RIMKLA: variants seen among roughly 807,000 people sequenced by gnomAD.
The protein encoded by RIMKLA is N-acetylaspartylglutamate synthase A.
Under a neutral mutation model 32.7 loss-of-function variants are expected in RIMKLA, and 14 were observed. The observed-to-expected ratio is 0.43, with a 90% CI of 0.28 to 0.67. RIMKLA has a LOEUF of 0.67. Ranked by LOEUF, RIMKLA falls within the 30% of genes least tolerant of loss-of-function variation. RIMKLA has a pLI of 0.18. For missense variants in RIMKLA, 410 were observed against 519.0 expected (o/e 0.79, Z 2.04); for synonymous variants, 176 against 204.1 (o/e 0.86, Z 1.18).
rs773808447 is a variant in RIMKLA, at chr1:42,414,540, G to C, written c.742G>C (p.Val248Leu). 1 of 1,614,178 alleles carries C rather than the reference G, an allele frequency of 6.2e-7. No homozygotes were observed. Among genetic ancestry groups the C allele is most frequent in the East Asian group, 2.2e-5 (1 of 44,896 alleles). ...ACAAGGCAAGCAGTTGGCTATTCAGGTGTCCAACATCCTAGGCATGGACTT... is the reference window on the plus strand; with the variant it reads ...ACAAGGCAAGCAGTTGGCTATTCAGCTGTCCAACATCCTAGGCATGGACTT... Reference protein sequence around the residue: ...TEQGKQLAIQVSNILGMDFCG... With the variant: ...TEQGKQLAIQLSNILGMDFCG... The change falls in exon 5 of 5, where the codon GTG (valine) becomes CTG (leucine). Residue 248 changes from valine to leucine, a missense_variant. By Grantham distance (32) the Val-to-Leu change is conservative. Transcript: ENST00000431473.
intron 3 of RIMKLA, among the ~76,000 whole-genome samples, chr1:42,409,595 A>C (rs1026775549): frequency 4.6e-5 from 7 of 152,266 alleles, no homozygotes. Context: ...TTAGGTCTGA[A>C]GAATTTTTTT....
rs1429022701 is a variant in RIMKLA at position 42,385,827 on chromosome 1, C to CCTTT, written c.163+4745_163+4748dup. Among the ~76,000 whole-genome samples, 3 of 89,388 alleles carry CCTTT rather than the reference C, an allele frequency of 3.4e-5. 1 individual carries two copies. The highest frequency in any genetic ancestry group is 1.2e-4 in the African/African-American group (3 of 24,632). 58.6% of individuals were successfully genotyped at this position (89,388 alleles called of 152,430 possible). A position where few individuals can be genotyped will look rare whatever the true frequency, so the allele number is the denominator to read the frequency against. ...TCTCTCTTTCCTTCCTTCCTTCCTT[C>CCTTT]CTTTCTTTCTTTCTTTCTCTTTCTT... On this transcript the variant is annotated intron_variant, in intron 1 of 4. Transcript: ENST00000431473.
At chr1:42,403,025 C>T (rs553678720) in intron 2 of RIMKLA, among the ~76,000 whole-genome samples, 1 of 152,228 alleles carries the variant, frequency 6.6e-6, no homozygotes, top group Admixed American at 6.5e-5. Context: ...AACTAGTGCC[C>T]CACTGTACCT....
intron 1 of RIMKLA, among the ~76,000 whole-genome samples, chr1:42,397,747 T>C (rs1039397635): frequency 6.6e-5 from 10 of 152,066 alleles, no homozygotes; most frequent in African/African-American, 2.2e-4. Flanking sequence ...AATAATACAA[T>C]ATATTCTTTA....
intron 3 of RIMKLA, among the ~76,000 whole-genome samples, chr1:42,406,917 T>C (rs1322156173): frequency 6.6e-6 from 1 of 151,760 alleles, no homozygotes; most frequent in African/African-American, 2.4e-5. Flanking sequence ...TCTTGTATAA[T>C]GTAGATTCTT....
At position 42,422,790 on chromosome 1, in the gene RIMKLA, T is replaced by C. The variant is rs915343241; in HGVS notation, c.*7816T>C. ...TTTCAAACGCAGAGTGCCGTCTGAATTGTAATACTGCCAACTCTCAACTGT... is the reference window on the plus strand; with the variant it reads ...TTTCAAACGCAGAGTGCCGTCTGAACTGTAATACTGCCAACTCTCAACTGT... On this transcript the variant is annotated 3_prime_UTR_variant, in exon 5 of 5. Transcript: ENST00000431473. 2.0e-5 allele frequency among the ~76,000 whole-genome samples: 3 copies of C among 152,190 alleles called. No individual in the cohort carries two copies. The highest frequency in any genetic ancestry group is 2.1e-4 in the South Asian group (1 of 4,828).
At position 42,422,540 on chromosome 1, in the gene RIMKLA, T is replaced by A. The variant is rs1406647884; in HGVS notation, c.*7566T>A. 1.3e-5 allele frequency: 2 copies of A among 152,252 alleles called. No individual in the cohort carries two copies. Among genetic ancestry groups the A allele is most frequent in the African/African-American group, 4.8e-5 (2 of 41,468 alleles). The allele number at this position is 152,252 out of a possible 1,614,324, so 9.4% of individuals were successfully genotyped here. A position where few individuals can be genotyped will look rare whatever the true frequency, so the allele number is the denominator to read the frequency against. On this transcript the variant is annotated 3_prime_UTR_variant, in exon 5 of 5. Transcript: ENST00000431473. ...ACGAAATCATTTATAAATGATTGTT[T>A]TGCTGTTTTTGCTTTTTATTAAAAT...
At chr1:42,384,589 A>G (rs1256657204) in intron 1 of RIMKLA, among the ~76,000 whole-genome samples, 1 of 136,992 alleles carries the variant, frequency 7.3e-6, no homozygotes, top group Non-Finnish European at 1.5e-5. Context: ...ATATGTGTGT[A>G]TATATGTATA....
intron 3 of RIMKLA, among the ~76,000 whole-genome samples, chr1:42,405,698 G>A (rs1305095583): frequency 6.6e-6 from 1 of 152,196 alleles, no homozygotes; most frequent in East Asian, 1.9e-4. Flanking sequence ...TGATCTCGAG[G>A]CGCTCAAATG....
intron 1 of RIMKLA, among the ~76,000 whole-genome samples, chr1:42,389,806 G>C (rs112869414): frequency 0.15 from 22,789 of 151,424 alleles, 1,787 homozygotes; most frequent in East Asian, 0.23. Context: ...AGAGCGAGAC[G>C]CCATCTCAAA....
At chr1:42,397,481 GGGAGGCCAAGGCA>G (rs941636489) in intron 1 of RIMKLA, among the ~76,000 whole-genome samples, 2 of 152,164 alleles carry the variant, frequency 1.3e-5, no homozygotes, top group African/African-American at 4.8e-5. Flanking sequence ...GCAGCACTTT[GGGAGGCCAAGGCA>G]GGAGGATCAC....
chr1:42,421,428 G>C lies in RIMKLA; in HGVS notation c.*6454G>C, dbSNP rs1270225672. 6.6e-6 allele frequency: 1 copy of C among 152,404 alleles called. No individual in the cohort carries two copies. Among genetic ancestry groups the C allele is most frequent in the Non-Finnish European group, 1.5e-5 (1 of 68,170 alleles). The allele number at this position is 152,404 out of a possible 1,614,324, so 9.4% of individuals were successfully genotyped here. A position where few individuals can be genotyped will look rare whatever the true frequency, so the allele number is the denominator to read the frequency against. On this transcript the variant is annotated 3_prime_UTR_variant, in exon 5 of 5. Transcript: ENST00000431473. The surrounding 1 kb of genome is among the most constrained non-coding windows in gnomAD (Gnocchi z 4.6). ...TGTGGGGAACTCTGATAGTCTGACAGCACCATCTGGACTTGGCAGGGATGA... is the reference window on the plus strand; with the variant it reads ...TGTGGGGAACTCTGATAGTCTGACACCACCATCTGGACTTGGCAGGGATGA...
chr1:42,385,073 G>A (rs796477473), intron 1 of RIMKLA, among the ~76,000 whole-genome samples: 5 of 152,166 alleles, frequency 3.3e-5, no homozygotes, highest in African/African-American at 1.2e-4. Context: ...TGCTATAATT[G>A]TCTATTTATA....
At chr1:42,406,374 G>A (rs935069075) in intron 3 of RIMKLA, among the ~76,000 whole-genome samples, 4 of 152,056 alleles carry the variant, frequency 2.6e-5, no homozygotes, top group East Asian at 1.9e-4. Context: ...AGTTAGTCCC[G>A]ATTGCCTCTC....
chr1:42,398,065 A>C (rs549521272), intron 1 of RIMKLA, among the ~76,000 whole-genome samples: 22 of 152,302 alleles, frequency 1.4e-4, no homozygotes, highest in African/African-American at 5.1e-4. Flanking sequence ...TGTTGAGCCC[A>C]AATCCATCTC....
intron 2 of RIMKLA, among the ~76,000 whole-genome samples, chr1:42,402,143 A>G (rs1463900572): frequency 6.6e-6 from 1 of 152,176 alleles, no homozygotes; most frequent in Non-Finnish European, 1.5e-5. Flanking sequence ...CTTGTGAACT[A>G]GACAGGTCTT....
rs1642880693 is a variant in RIMKLA at position 42,380,900 on chromosome 1, GT to G, written c.-34del. 1 of 1,297,852 alleles carries G rather than the reference GT, an allele frequency of 7.7e-7. No individual in the cohort carries two copies. The highest frequency in any genetic ancestry group is 9.8e-7 in the Non-Finnish European group (1 of 1,024,694). The allele number at this position is 1,297,852 out of a possible 1,614,324, so 80.4% of individuals were successfully genotyped here. A position where few individuals can be genotyped will look rare whatever the true frequency, so the allele number is the denominator to read the frequency against. The stretch of plus-strand genomic sequence containing the variant: ...AGCGAGCGGCCCGGGGCGCCGAGGG[GT>G]CCGCGCCGCGCGGGGCGCACCGCCC... On this transcript the variant is annotated 5_prime_UTR_variant, in exon 1 of 5. Transcript: ENST00000431473.
rs1642883843 is a variant in RIMKLA at position 42,381,075 on chromosome 1, C to T, written c.141C>T (p.Val47=). 1 of 1,284,254 alleles carries T rather than the reference C, an allele frequency of 7.8e-7. No homozygotes were observed. Among genetic ancestry groups the T allele is most frequent in the Admixed American group, 4.1e-5 (1 of 24,158 alleles). The allele number at this position is 1,284,254 out of a possible 1,614,324, so 79.6% of individuals were successfully genotyped here. A position where few individuals can be genotyped will look rare whatever the true frequency, so the allele number is the denominator to read the frequency against. Residue 47 remains valine (V), a synonymous_variant, in exon 1 of 5, where the codon GTC becomes GTT. Coordinates refer to ENST00000431473, the MANE Select transcript of RIMKLA (RefSeq NM_173642.4). ...CGGTGCTTATGGACCAGATCGCCGT[C>T]ACCATCGTCGGCGGCCACCTCGGTG... ...FRAVLMDQIA[V]TIVGGHLGLQ... is the part of the protein sequence containing the mutation.
At chr1:42,383,442 A>G (rs1570312134) in intron 1 of RIMKLA, among the ~76,000 whole-genome samples, 1 of 152,256 alleles carries the variant, frequency 6.6e-6, no homozygotes, top group Non-Finnish European at 1.5e-5. Flanking sequence ...AATAGTGGCC[A>G]GAATAGTGCC....
Sources: allele counts gnomAD v4.1 joint callset (sites outside exome capture counted in the v4.1 genomes callset), GRCh38; gene constraint gnomAD v4.1.1; non-coding constraint Gnocchi (gnomAD v3.1); transcripts MANE v1.5; gene names NCBI Gene and HGNC (gene_info 2026-07-23, HGNC 2026-07-21).